Variants in AGBL1 observed in about 807,000 individuals in gnomAD.
AGBL1 encodes the protein AGBL carboxypeptidase 1.
In AGBL1, 130 loss-of-function variants were observed where a neutral mutation model predicts 118.9. That is an observed-to-expected ratio of 1.09 (90% CI 0.95 to 1.26). AGBL1 has a LOEUF of 1.26. Ranked by LOEUF, AGBL1 falls within the 50% of genes most tolerant of loss-of-function variation. The pLI is 0.00. For missense variants in AGBL1, 1,584 were observed against 1,298.1 expected, an observed-to-expected ratio of 1.22 and a Z score of -3.38; for synonymous variants, 555 against 478.9, an observed-to-expected ratio of 1.16 and a Z score of -2.08.
chr15:86,791,728 T>TTATATATATATATATATATATATATA (rs3059670), intron 22 of AGBL1, among the ~76,000 whole-genome samples: 10 of 142,892 alleles, frequency 7.0e-5, no homozygotes, highest in African/African-American at 2.6e-4. Context: ...TCCTTGTTTT[T>TTATATATATATATATATATATATATA]TATATATATA....
chr15:86,872,104 G>A (rs971199435), intron 22 of AGBL1, among the ~76,000 whole-genome samples: 1 of 152,206 alleles, frequency 6.6e-6, no homozygotes, highest in African/African-American at 2.4e-5. Context: ...ACACAGAGCA[G>A]ATTCCAATGC....
In AGBL1 at chr15:86,907,616, T is replaced by C. The variant is rs2080298866; in HGVS notation, c.*322T>C. On this transcript the variant is annotated 3_prime_UTR_variant, in exon 23 of 23. Coordinates refer to ENST00000614907, the MANE Select transcript of AGBL1 (RefSeq NM_001386094.1). ...TTTTCTGAGTTATTCTCCATTCTTG[T>C]GCTTGAACTGGAGCAAGCTGGAAGT... The C allele has an allele frequency of 6.6e-6, 1 of 152,228 alleles. No homozygotes were observed. The highest frequency in any genetic ancestry group is 1.5e-5 in the Non-Finnish European group (1 of 68,048). The allele number at this position is 152,228 out of a possible 1,614,324, so 9.4% of individuals were successfully genotyped here.
In AGBL1 at chr15:86,910,977, T is replaced by C. The variant is rs2080342255; in HGVS notation, c.*3683T>C. 1 of 152,258 alleles carries C rather than the reference T, an allele frequency of 6.6e-6. No individual in the cohort carries two copies. The highest frequency in any genetic ancestry group is 1.5e-5 in the Non-Finnish European group (1 of 68,054). The allele number at this position is 152,258 out of a possible 1,614,324, so 9.4% of individuals were successfully genotyped here. A position where few individuals can be genotyped will look rare whatever the true frequency, so the allele number is the denominator to read the frequency against. ...CTCTCAATAGTTATAAGAGCCATTC[T>C]TCCAGTCAAGCCAGGACTTTCTCTT... On this transcript the variant is annotated 3_prime_UTR_variant, in exon 23 of 23. Transcript: ENST00000614907.
At chr15:86,376,298 C>T (rs1187415914) in intron 17 of AGBL1, among the ~76,000 whole-genome samples, 1 of 152,204 alleles carries the variant, frequency 6.6e-6, no homozygotes, top group African/African-American at 2.4e-5. Context: ...TGCCCTCACT[C>T]TGTACTAACT....
At chr15:86,671,558 G>A (rs2085747074) in intron 21 of AGBL1, among the ~76,000 whole-genome samples, 1 of 152,128 alleles carries the variant, frequency 6.6e-6, no homozygotes, top group Admixed American at 6.6e-5. Flanking sequence ...GTGAACCCGT[G>A]ATAACTGACC....
chr15:86,895,132 T>C (rs2141566589), intron 22 of AGBL1, among the ~76,000 whole-genome samples: 1 of 151,832 alleles, frequency 6.6e-6, no homozygotes, highest in East Asian at 1.9e-4. Context: ...TTCCTTCTAC[T>C]TTCTTCTCTT....
At chr15:86,259,922 T>G (rs975325804) in intron 9 of AGBL1, among the ~76,000 whole-genome samples, 4 of 152,232 alleles carry the variant, frequency 2.6e-5, no homozygotes, top group African/African-American at 9.6e-5. Flanking sequence ...GGTGTTCAGA[T>G]AGTTCCCTTG....
intron 21 of AGBL1, among the ~76,000 whole-genome samples, chr15:86,572,138 C>T (rs181450475): frequency 2.6e-5 from 4 of 152,296 alleles, no homozygotes; most frequent in African/African-American, 7.2e-5. Flanking sequence ...GCGTTGACAG[C>T]GGGGAGAAGG....
intron 21 of AGBL1, among the ~76,000 whole-genome samples, chr15:86,565,044 C>A (rs916689098): frequency 6.6e-6 from 1 of 152,178 alleles, no homozygotes; most frequent in Non-Finnish European, 1.5e-5. Flanking sequence ...AATCTGTTTT[C>A]GAGGTTTTTA....
intron 18 of AGBL1, 25 bp from the exon 19 acceptor site, chr15:86,522,785 A>T: frequency 6.2e-7 from 1 of 1,611,030 alleles, no homozygotes; most frequent in South Asian, 1.1e-5. Flanking sequence ...ATGTGTATTT[A>T]TTTGCTTATT....
intron 22 of AGBL1, among the ~76,000 whole-genome samples, chr15:86,826,036 C>CAAA (rs138590239): frequency 6.7e-6 from 1 of 148,960 alleles, no homozygotes; most frequent in East Asian, 2.0e-4. Flanking sequence ...TAACTTCTTG[C>CAAA]AAAAAAAAAA....
intron 21 of AGBL1, among the ~76,000 whole-genome samples, chr15:86,658,311 C>G (rs941691570): frequency 6.6e-6 from 1 of 151,956 alleles, no homozygotes; most frequent in African/African-American, 2.4e-5. Context: ...TTGTCCTTAG[C>G]CTGAGAATGT....
At chr15:86,576,308 C>T (rs896355225) in intron 21 of AGBL1, among the ~76,000 whole-genome samples, 2 of 151,718 alleles carry the variant, frequency 1.3e-5, no homozygotes, top group Admixed American at 6.6e-5. Context: ...GAGAGAAAAA[C>T]GATTTGGGAA....
chr15:86,405,200 T>C (rs2081506984), intron 18 of AGBL1, among the ~76,000 whole-genome samples: 3 of 152,196 alleles, frequency 2.0e-5, no homozygotes, highest in African/African-American at 2.4e-5. Flanking sequence ...TCAGCTATGC[T>C]ACTGGGCTTT....
intron 22 of AGBL1, among the ~76,000 whole-genome samples, chr15:86,821,584 G>A (rs902029377): frequency 2.0e-5 from 3 of 152,022 alleles, no homozygotes; most frequent in South Asian, 2.1e-4. Flanking sequence ...GTAACAGAAC[G>A]GTATATTATG....
chr15:86,674,339 C>G lies in AGBL1; in HGVS notation c.3061C>G (p.Leu1021Val), dbSNP rs754862005. Reference protein sequence around the residue: ...GAMFCLGLLILELKSASCSHQ... With the variant: ...GAMFCLGLLIVELKSASCSHQ... ...CATGTTCTGTTTGGGCCTCCTCATC[C>G]TGGAGCTCAAATCTGCCAGCTGCAG... The change falls in exon 22 of 23, where the codon CTG becomes GTG. Residue 1021 changes from leucine (L) to valine (V), a missense_variant. Transcript: ENST00000614907. 4 of 1,612,244 alleles carry G rather than the reference C, an allele frequency of 2.5e-6. No homozygotes were observed. The East Asian group carries it at 6.7e-5, about 27-fold the overall frequency.
intron 17 of AGBL1, among the ~76,000 whole-genome samples, chr15:86,324,369 TAGGGGTAGGTGTTTCCCATTATG>T (rs2080152063): frequency 6.6e-6 from 1 of 152,192 alleles, no homozygotes; most frequent in Non-Finnish European, 1.5e-5. Context: ...ATGGAAGCTG[TAGGGGTAGGTGTTTCCCATTATG>T]GTGGAGTAGA....
At chr15:86,566,089 A>G (rs552220671) in intron 21 of AGBL1, among the ~76,000 whole-genome samples, 1 of 138,728 alleles carries the variant, frequency 7.2e-6, no homozygotes, top group Non-Finnish European at 1.5e-5. Context: ...AGGTGAGGTG[A>G]TGCCTCGCCC....
At chr15:86,144,141 T>C (rs985557062) in intron 3 of AGBL1, among the ~76,000 whole-genome samples, 1 of 152,188 alleles carries the variant, frequency 6.6e-6, no homozygotes. Flanking sequence ...TTTTAATTAT[T>C]TTAAAAATAA....
Sources: allele counts gnomAD v4.1 joint callset (sites outside exome capture counted in the v4.1 genomes callset), GRCh38; gene constraint gnomAD v4.1.1; transcripts MANE v1.5; gene names NCBI Gene and HGNC (gene_info 2026-07-23, HGNC 2026-07-21).